Variants in ZNF652 observed in about 807,000 individuals in gnomAD.
The protein encoded by ZNF652 is zinc finger protein 652.
Under a neutral mutation model 45.2 loss-of-function variants are expected in ZNF652, and 16 were observed. The observed-to-expected ratio is 0.35, with a 90% confidence interval of 0.24 to 0.54. The LOEUF is 0.54. ZNF652 is among the 20% of genes least tolerant of loss of function. The probability of loss-of-function intolerance (pLI) is 0.91; values close to 1 mark genes in which losing one functional copy is unlikely to be tolerated. For synonymous variants in ZNF652, 250 were observed against 260.6 expected (o/e 0.96, Z 0.39); for missense variants, 614 against 765.6 (o/e 0.80, Z 2.34).
At chr17:49,313,161 T>C (rs1478780260) in intron 2 of ZNF652, among the ~76,000 whole-genome samples, 2 of 152,274 alleles carry the variant, frequency 1.3e-5, no homozygotes, top group East Asian at 3.9e-4. Flanking sequence ...ACTTCAAGTT[T>C]GTTTATTTAT....
In ZNF652 at chr17:49,295,015, G is replaced by C. The variant is rs2069452894; in HGVS notation, c.*3398C>G. ...CAACCAAATTTTCAACCCTGAGTTT[G>C]AGTCTTAAGCATGTTAAACGTGTTG... On this transcript the variant is annotated 3_prime_UTR_variant, in exon 6 of 6. Coordinates refer to ENST00000430262, the MANE Select transcript of ZNF652 (RefSeq NM_001145365.3). The C allele has an allele frequency of 6.6e-6, 1 of 152,056 alleles. No homozygotes were observed. The highest frequency in any genetic ancestry group is 1.5e-5 in the Non-Finnish European group (1 of 68,020). 9.4% of individuals were successfully genotyped at this position (152,056 alleles called of 1,614,324 possible). A position where few individuals can be genotyped will look rare whatever the true frequency, so the allele number is the denominator to read the frequency against.
intron 1 of ZNF652, among the ~76,000 whole-genome samples, chr17:49,326,418 T>C (rs545283660): frequency 1.3e-5 from 2 of 152,232 alleles, no homozygotes; most frequent in South Asian, 2.1e-4. Context: ...AAAGTGATCT[T>C]TGGGTTCTCA....
At chr17:49,303,544 AGTTT>A (rs1162162975) in intron 5 of ZNF652, among the ~76,000 whole-genome samples, 1 of 151,926 alleles carries the variant, frequency 6.6e-6, no homozygotes, top group Non-Finnish European at 1.5e-5. Context: ...CTGGCCATGT[AGTTT>A]GTTTTCTAAA....
At chr17:49,337,908 T>C (rs1037155329) in intron 1 of ZNF652, among the ~76,000 whole-genome samples, 1 of 152,168 alleles carries the variant, frequency 6.6e-6, no homozygotes, top group African/African-American at 2.4e-5. Context: ...AATCATTGCA[T>C]TGACCCTCAC....
At chr17:49,302,945 G>C (rs1435695355) in intron 5 of ZNF652, among the ~76,000 whole-genome samples, 3 of 152,010 alleles carry the variant, frequency 2.0e-5, no homozygotes, top group Non-Finnish European at 4.4e-5. Context: ...CTGGGTGATA[G>C]AGCAAGACTC....
Position 49,296,308 on chromosome 17 carries a change from TTA to T in ZNF652, c.*2103_*2104del, listed in dbSNP as rs1379409602. The T allele has an allele frequency of 1.3e-5, 2 of 152,584 alleles. No individual in the cohort carries two copies. The highest frequency in any genetic ancestry group is 2.4e-5 in the African/African-American group (1 of 41,428). The allele number at this position is 152,584 out of a possible 1,614,324, so 9.5% of individuals were successfully genotyped here. On this transcript the variant is annotated 3_prime_UTR_variant, in exon 6 of 6. Coordinates refer to ENST00000430262, the MANE Select transcript of ZNF652 (RefSeq NM_001145365.3). ...TCATTCCAAAATTTTCCTATGCTCA[TTA>T]TATAAGACAGGCAAAATCAGAAGGA...
In ZNF652 at chr17:49,342,885, AT is replaced by A. The variant is rs752751225; in HGVS notation, c.-259+19023del. Among the ~76,000 whole-genome samples the A allele has an allele frequency of 4.6e-3, 656 of 141,844 alleles. 5 individuals are homozygous for A. The highest frequency in any genetic ancestry group is 0.034 in the East Asian group (168 of 4,914). The allele number at this position is 141,844 out of a possible 152,430, so 93.1% of individuals were successfully genotyped here. ...TATACAAAGGTTTTTTCCACATAGA[AT>A]TTTTTTTTTTTTTTTGGCAGACTCT... On this transcript the variant is annotated intron_variant, in intron 1 of 5. Transcript: ENST00000430262.
chr17:49,312,939 G>C, intron 2 of ZNF652, 94 bp from the exon 3 acceptor site: 1 of 1,276,482 alleles, frequency 7.8e-7, no homozygotes, highest in Non-Finnish European at 1.1e-6. Flanking sequence ...TAGGTTCATG[G>C]CACAAGGCCA....
At position 49,324,839 on chromosome 17, in the gene ZNF652, C is replaced by G. The variant is rs940787666; in HGVS notation, c.-258-6856G>C. 6.7e-5 allele frequency among the ~76,000 whole-genome samples: 10 copies of G among 148,176 alleles called. No homozygotes were observed. In the East Asian group the frequency reaches 1.8e-3, roughly 26 times the overall value. ...CACTGCAACCTCCACCTCCTGGGTT[C>G]AAGCATTTCTCCTGCCTCAGCCTAC... On this transcript the variant is annotated intron_variant, in intron 1 of 5. Coordinates refer to ENST00000430262, the MANE Select transcript of ZNF652 (RefSeq NM_001145365.3).
intron 1 of ZNF652, among the ~76,000 whole-genome samples, chr17:49,344,150 G>T (rs1045479458): frequency 6.6e-6 from 1 of 151,842 alleles, no homozygotes; most frequent in African/African-American, 2.4e-5. Flanking sequence ...GCAGTGAGCC[G>T]AGATCGTGCC....
chr17:49,354,189 C>A (rs898798964), intron 1 of ZNF652, among the ~76,000 whole-genome samples: 1 of 151,764 alleles, frequency 6.6e-6, no homozygotes, highest in African/African-American at 2.4e-5. Flanking sequence ...GCAATAGTTT[C>A]TTATTATATT....
In ZNF652 at chr17:49,293,183, C is replaced by A. The variant is rs774820236; in HGVS notation, c.*5230G>T. ...AAGCCACCTTGTAAGTAGTTTCTTA[C>A]TACAATACAGATTCTATCTAGTGAA... On this transcript the variant is annotated 3_prime_UTR_variant, in exon 6 of 6. Transcript: ENST00000430262. Among the ~76,000 whole-genome samples, 1 of 152,142 alleles carries A rather than the reference C, an allele frequency of 6.6e-6. No individual in the cohort carries two copies. The highest frequency in any genetic ancestry group is 1.5e-5 in the Non-Finnish European group (1 of 68,016).
At position 49,311,311 on chromosome 17, in the gene ZNF652, C is replaced by A; in HGVS notation, c.1309+1G>T. The A allele has an allele frequency of 6.2e-7, 1 of 1,613,618 alleles. No homozygotes were observed. The highest frequency in any genetic ancestry group is 8.5e-7 in the Non-Finnish European group (1 of 1,179,684). On this transcript the variant is annotated splice_donor_variant, in intron 5 of 5. Transcript: ENST00000430262. LOFTEE classifies it high-confidence loss of function. ...CTGTACCTTTCCCAAGAAATTCTTACCAGTGTGTGTTTTCATGTGTTCGTC... is the reference window on the plus strand; with the variant it reads ...CTGTACCTTTCCCAAGAAATTCTTAACAGTGTGTGTTTTCATGTGTTCGTC...
chr17:49,358,678 T>C (rs16948042), intron 1 of ZNF652, among the ~76,000 whole-genome samples: 35,173 of 152,028 alleles, frequency 0.23, 4,178 homozygotes, highest in South Asian at 0.32. Context: ...ACTTTTTTTT[T>C]CTACAGACTT....
At chr17:49,305,378 C>T (rs2069614823) in intron 5 of ZNF652, among the ~76,000 whole-genome samples, 1 of 151,898 alleles carries the variant, frequency 6.6e-6, no homozygotes, top group Admixed American at 6.6e-5. Flanking sequence ...ACCTGGGAGG[C>T]GGAGGTTGCA....
At position 49,298,351 on chromosome 17, in the gene ZNF652, C is replaced by T; in HGVS notation, c.*62G>A. ...AGAACTAAGGAAATGCTCACCGACT[C>T]CCTCTGTGCACGCTCACACATGGGG... On this transcript the variant is annotated 3_prime_UTR_variant, in exon 6 of 6. Transcript: ENST00000430262. 6.3e-7 allele frequency: 1 copy of T among 1,594,390 alleles called. No individual in the cohort carries two copies. The highest frequency in any genetic ancestry group is 1.3e-5 in the African/African-American group (1 of 74,644).
chr17:49,312,539 C>T (rs2069730568), intron 3 of ZNF652, among the ~76,000 whole-genome samples, 159 bp downstream of exon 3: 1 of 152,062 alleles, frequency 6.6e-6, no homozygotes, highest in African/African-American at 2.4e-5. Context: ...AAGACTATAC[C>T]ATCCAATTTG....
intron 1 of ZNF652, among the ~76,000 whole-genome samples, chr17:49,328,348 G>A (rs918654626): frequency 6.6e-6 from 1 of 152,030 alleles, no homozygotes; most frequent in Admixed American, 6.6e-5. Context: ...TGACAGGAAT[G>A]AAACCATGTG....
rs1384886804 is a variant in ZNF652, at chr17:49,294,419, G to A, written c.*3994C>T. 6.6e-6 allele frequency: 1 copy of A among 151,922 alleles called. No individual in the cohort carries two copies. Among genetic ancestry groups the A allele is most frequent in the African/African-American group, 2.4e-5 (1 of 41,348 alleles). The allele number at this position is 151,922 out of a possible 1,614,324, so 9.4% of individuals were successfully genotyped here. ...TTTGCACAGTCTTCTTTGAACTAAA[G>A]TTTTTTTTGTGGCGATCTCCCCTCT... On this transcript the variant is annotated 3_prime_UTR_variant, in exon 6 of 6. Transcript: ENST00000430262.
Sources: allele counts gnomAD v4.1 joint callset (sites outside exome capture counted in the v4.1 genomes callset), GRCh38; gene constraint gnomAD v4.1.1; transcripts MANE v1.5; gene names NCBI Gene and HGNC (gene_info 2026-07-23, HGNC 2026-07-21).